Variants in SCAF1 observed in about 807,000 individuals in gnomAD.
The protein encoded by SCAF1 is splicing factor, arginine/serine-rich 19.
Under a neutral mutation model 91.2 loss-of-function variants are expected in SCAF1, and 28 were observed. The ratio of observed to expected loss-of-function variants is 0.31; its 90% CI spans 0.23 to 0.42. The LOEUF (loss-of-function observed/expected upper bound fraction) is 0.42. Among genes scored for constraint, SCAF1 ranks in the 10% least tolerant of loss-of-function variants. The pLI, the probability that SCAF1 is intolerant of heterozygous loss-of-function variation, is 1.00. For synonymous variants in SCAF1, 1,036 were observed against 833.7 expected, an observed-to-expected ratio of 1.24 and a Z score of -4.18; for missense variants, 1,893 against 1,872.1, an observed-to-expected ratio of 1.01 and a Z score of -0.21.
At chr19:49,653,786 G>A (rs1193521427) in intron 7 of SCAF1, 81 bp downstream of exon 7, 4 of 1,334,186 alleles carry the variant, frequency 3.0e-6, no homozygotes, top group Non-Finnish European at 3.9e-6. Context: ...AGAGGCAGTG[G>A]GGTGCCCTGG....
chr19:49,656,179 T>C (rs1390858908), intron 9 of SCAF1, among the ~76,000 whole-genome samples: 1 of 152,138 alleles, frequency 6.6e-6, no homozygotes, highest in African/African-American at 2.4e-5. Flanking sequence ...CCCCCTGGTC[T>C]ACAGTGGCCC....
intron 8 of SCAF1, 45 bp from the exon 9 acceptor site, chr19:49,654,607 C>A: frequency 6.7e-7 from 1 of 1,492,350 alleles, no homozygotes; most frequent in South Asian, 1.2e-5. Flanking sequence ...CCCCTCTTCC[C>A]CTCCACCTCC....
chr19:49,652,487 G>T lies in SCAF1; in HGVS notation c.2098G>T (p.Ala700Ser). The change falls in exon 7 of 11, where the codon GCC becomes TCC. Residue 700 changes from alanine to serine, a missense_variant. Physicochemically the swap from Ala to Ser is moderately conservative, Grantham distance 99 (BLOSUM62 1). Coordinates refer to ENST00000360565, the MANE Select transcript of SCAF1 (RefSeq NM_021228.3). ...IQDLTDHDLF[A>S]IKRTITVGRL... ...GGACCTCACGGACCACGACCTCTTCGCCATCAAGCGGACCATCACGGTGGG... is the reference window on the plus strand; with the variant it reads ...GGACCTCACGGACCACGACCTCTTCTCCATCAAGCGGACCATCACGGTGGG... The T allele has an allele frequency of 1.3e-6, 2 of 1,590,564 alleles. No homozygotes were observed.
intron 9 of SCAF1, among the ~76,000 whole-genome samples, chr19:49,655,687 C>G (rs1170591084): frequency 6.6e-6 from 1 of 151,978 alleles, no homozygotes; most frequent in Non-Finnish European, 1.5e-5. Context: ...GTTTTTGAGA[C>G]AGGGTCTCGC....
chr19:49,652,723 G>C lies in SCAF1; in HGVS notation c.2334G>C (p.Arg778=), dbSNP rs371023773. ...SRRKALDGGD[R]DRDRDRDRDR... The stretch of plus-strand genomic sequence containing the variant: ...GGAAGGCGCTGGACGGGGGTGACCG[G>C]GATCGGGACAGGGACAGAGATAGGG... Residue 778 remains arginine, a synonymous_variant, in exon 7 of 11, where the codon CGG becomes CGC. Transcript: ENST00000360565. 2 of 1,597,352 alleles carry C rather than the reference G, an allele frequency of 1.3e-6. No individual in the cohort carries two copies. Among genetic ancestry groups the C allele is most frequent in the Non-Finnish European group, 1.7e-6 (2 of 1,172,258 alleles).
At chr19:49,644,889 G>A (rs1014581474) in intron 1 of SCAF1, 132 bp from the exon 2 acceptor site, 1 of 643,596 alleles carries the variant, frequency 1.6e-6, no homozygotes, top group Non-Finnish European at 2.7e-6. Flanking sequence ...GGGAGGAGGT[G>A]GAGGAGAGGA....
chr19:49,651,976 C>G lies in SCAF1; in HGVS notation c.1587C>G (p.Ala529=), dbSNP rs896258845. The stretch of plus-strand genomic sequence containing the variant: ...GGGAACGCAAGCGCAGCGGCGAGGC[C>G]AAGGAGGCCGCCTCGTCCTCGTCGG... ...SRRERKRSGE[A]KEAASSSSGT... is the part of the protein sequence containing the mutation. The change falls in exon 7 of 11, where the codon GCC becomes GCG. Residue 529 remains alanine (A), a synonymous_variant. Coordinates refer to ENST00000360565, the MANE Select transcript of SCAF1 (RefSeq NM_021228.3). 6 of 1,198,760 alleles carry G rather than the reference C, an allele frequency of 5.0e-6. No homozygotes were observed. In the African/African-American group the frequency reaches 8.5e-5, roughly 17 times the overall value. 74.3% of individuals were successfully genotyped at this position (1,198,760 alleles called of 1,614,324 possible).
Position 49,658,534 on chromosome 19 carries a change from C to T in SCAF1, c.*135C>T. ...TGCAGGGAAGAGGAGAGCCCCCTGCCCTGCCCTGCCCCGTGTCCACCTCCC... is the reference window on the plus strand; with the variant it reads ...TGCAGGGAAGAGGAGAGCCCCCTGCTCTGCCCTGCCCCGTGTCCACCTCCC... On this transcript the variant is annotated 3_prime_UTR_variant, in exon 11 of 11. Transcript: ENST00000360565. 3.2e-6 allele frequency: 2 copies of T among 627,464 alleles called. No homozygotes were observed. Among genetic ancestry groups the T allele is most frequent in the Middle Eastern group, 2.9e-4 (1 of 3,480 alleles). The allele number at this position is 627,464 out of a possible 1,614,324, so 38.9% of individuals were successfully genotyped here. A position where few individuals can be genotyped will look rare whatever the true frequency, so the allele number is the denominator to read the frequency against.
intron 6 of SCAF1, among the ~76,000 whole-genome samples, chr19:49,647,502 C>T (rs1465193273): frequency 3.3e-5 from 5 of 152,260 alleles, no homozygotes; most frequent in African/African-American, 4.8e-5. Context: ...TTTAGGCCTT[C>T]CTTCTACGTG....
Position 49,653,285 on chromosome 19 carries a change from G to T in SCAF1, c.2896G>T (p.Gly966Trp). 2 of 1,470,910 alleles carry T rather than the reference G, an allele frequency of 1.4e-6. No homozygotes were observed. Among genetic ancestry groups the T allele is most frequent in the Non-Finnish European group, 1.8e-6 (2 of 1,109,780 alleles). The allele number at this position is 1,470,910 out of a possible 1,614,324, so 91.1% of individuals were successfully genotyped here. A position where few individuals can be genotyped will look rare whatever the true frequency, so the allele number is the denominator to read the frequency against. ...TKGAEETSWS[G>W]EERAAKVPST... is the part of the protein sequence containing the mutation. ...GGGGGCGGAGGAGACTTCCTGGTCC[G>T]GGGAGGAGCGGGCAGCCAAGGTTCC... The change falls in exon 7 of 11, where the codon GGG becomes TGG. Residue 966 changes from glycine to tryptophan, a missense_variant. By Grantham distance (184) the Gly-to-Trp change is radical. Around this residue, in one of 5 missense-constraint regions of SCAF1, gnomAD observed 1,436 missense variants for 1,306.8 expected, o/e 1.10. Coordinates refer to ENST00000360565, the MANE Select transcript of SCAF1 (RefSeq NM_021228.3).
At position 49,652,401 on chromosome 19, in the gene SCAF1, G is replaced by T; in HGVS notation, c.2012G>T (p.Gly671Val). 1 of 1,585,990 alleles carries T rather than the reference G, an allele frequency of 6.3e-7. No individual in the cohort carries two copies. The highest frequency in any genetic ancestry group is 8.5e-7 in the Non-Finnish European group (1 of 1,170,118). The change falls in exon 7 of 11, where the codon GGC (glycine) becomes GTC (valine). Residue 671 changes from glycine (G) to valine (V), a missense_variant. By Grantham distance (109) the Gly-to-Val change is moderately radical (BLOSUM62 -3). Around this residue, in one of 5 missense-constraint regions of SCAF1, gnomAD observed 1,436 missense variants for 1,306.8 expected, o/e 1.10. Coordinates refer to ENST00000360565, the MANE Select transcript of SCAF1 (RefSeq NM_021228.3). ...KAPAPAPPPS[G>V]STSCGDRDSR... Reference sequence around the variant, plus strand: ...CCGGCGCCCGCCCCGCCGCCCTCTGGCTCCACCTCGTGTGGTGACCGCGAC... The same window carrying T: ...CCGGCGCCCGCCCCGCCGCCCTCTGTCTCCACCTCGTGTGGTGACCGCGAC...
At position 49,645,329 on chromosome 19, in the gene SCAF1, G is replaced by T. The variant is rs774097022; in HGVS notation, c.109-25G>T. ...AAAGCATCTGCCTGGGTCCTCTGAC[G>T]CTTGGTTCTTCCCCCCTTCCCCAGC... On this transcript the variant is annotated intron_variant, in intron 2 of 10. Transcript: ENST00000360565. The surrounding 1 kb of genome is among the most constrained non-coding windows in gnomAD (Gnocchi z 4.6). 6.2e-7 allele frequency: 1 copy of T among 1,613,602 alleles called. No homozygotes were observed. Among genetic ancestry groups the T allele is most frequent in the Non-Finnish European group, 8.5e-7 (1 of 1,179,698 alleles).
At chr19:49,647,378 A>G (rs1321217160) in intron 6 of SCAF1, among the ~76,000 whole-genome samples, 1 of 152,238 alleles carries the variant, frequency 6.6e-6, no homozygotes, top group Non-Finnish European at 1.5e-5. Flanking sequence ...TACTATGCAC[A>G]TCACTGGGCC....
At chr19:49,655,381 C>T (rs1177470025) in intron 9 of SCAF1, among the ~76,000 whole-genome samples, 1 of 152,056 alleles carries the variant, frequency 6.6e-6, no homozygotes, top group Non-Finnish European at 1.5e-5. Context: ...TTTTGTTTTT[C>T]TTTGAGATGG....
At position 49,651,472 on chromosome 19, in the gene SCAF1, T is replaced by A; in HGVS notation, c.1083T>A (p.Ala361=). 6.3e-7 allele frequency: 1 copy of A among 1,584,888 alleles called. No homozygotes were observed. Among genetic ancestry groups the A allele is most frequent in the Non-Finnish European group, 8.6e-7 (1 of 1,167,112 alleles). The part of the protein sequence containing the change: ...RVFVVGTEAE[A]CREGKVSVEV... ...TCGTGGTGGGGACCGAGGCAGAGGCTTGTCGGGAAGGCAAGGTCTCGGTGG... is the reference window on the plus strand; with the variant it reads ...TCGTGGTGGGGACCGAGGCAGAGGCATGTCGGGAAGGCAAGGTCTCGGTGG... The change falls in exon 7 of 11, where the codon GCT becomes GCA. Residue 361 remains alanine (A), a synonymous_variant. Transcript: ENST00000360565.
chr19:49,646,104 C>T lies in SCAF1; in HGVS notation c.167-4C>T, dbSNP rs200966734. 54 of 1,611,862 alleles carry T rather than the reference C, an allele frequency of 3.4e-5. No homozygotes were observed. Among genetic ancestry groups the T allele is most frequent in the South Asian group, 9.9e-5 (9 of 91,076 alleles). On this transcript the variant is annotated splice_region_variant and splice_polypyrimidine_tract_variant and intron_variant, in intron 3 of 10. Transcript: ENST00000360565. The surrounding 1 kb of genome is among the most constrained non-coding windows in gnomAD (Gnocchi z 5.6). ...TCCAATCCCCCATGCAAATCTCTCA[C>T]CAGATGGCTCTCGGTGTCATGGCCT...
chr19:49,652,664 T>C lies in SCAF1; in HGVS notation c.2275T>C (p.Ser759Pro). The change falls in exon 7 of 11, where the codon TCC becomes CCC. Residue 759 changes from serine to proline, a missense_variant. Transcript: ENST00000360565. ...TCGGCGCCGCTCGGGGGCCGCCTCCTCCTCCTCCTCTTCCCGGGAGAAGGG... is the reference window on the plus strand; with the variant it reads ...TCGGCGCCGCTCGGGGGCCGCCTCCCCCTCCTCCTCTTCCCGGGAGAAGGG... The part of the protein sequence containing the change: ...KDRRRSGAAS[S>P]SSSSREKGSR... 4 of 1,563,156 alleles carry C rather than the reference T, an allele frequency of 2.6e-6. No individual in the cohort carries two copies. The highest frequency in any genetic ancestry group is 3.5e-6 in the Non-Finnish European group (4 of 1,153,936).
intron 1 of SCAF1, 41 bp from the exon 2 acceptor site, chr19:49,644,980 C>T (rs1599819580): frequency 6.9e-7 from 1 of 1,451,614 alleles, no homozygotes. Flanking sequence ...CATCCTTTCT[C>T]CCGGGACCTC....
rs546982069 is a variant in SCAF1, at chr19:49,655,787, C to T, written c.3618+917C>T. Among the ~76,000 whole-genome samples, 6 of 152,338 alleles carry T rather than the reference C, an allele frequency of 3.9e-5. No individual in the cohort carries two copies. In the South Asian group the frequency reaches 1.0e-3, roughly 26 times the overall value. On this transcript the variant is annotated intron_variant, in intron 9 of 10. Coordinates refer to ENST00000360565, the MANE Select transcript of SCAF1 (RefSeq NM_021228.3). Reference sequence around the variant, plus strand: ...TCGGGCTCAAGGGATCCTCCTACGTCAGCATCCTGTGTAGCTAGGACTACA... The same window carrying T: ...TCGGGCTCAAGGGATCCTCCTACGTTAGCATCCTGTGTAGCTAGGACTACA...
Sources: gnomAD v4.1 joint callset for allele counts (sites outside exome capture counted in the v4.1 genomes callset) on GRCh38, gnomAD v4.1.1 for gene constraint, gnomAD v4.1.1 regional missense constraint, Gnocchi (gnomAD v3.1) non-coding constraint, MANE v1.5 for transcripts, NCBI Gene and HGNC (gene_info 2026-07-23, HGNC 2026-07-21) for gene names.